GALNT14: variants seen among roughly 807,000 people sequenced by gnomAD.
The protein encoded by GALNT14 is UDP-GalNAc:polypeptide N-acetylgalactosaminyltransferase 14.
GALNT14 carries 60 observed loss-of-function variants against 77.5 expected under a neutral mutation model. The ratio of observed to expected loss-of-function variants is 0.77; its 90% confidence interval spans 0.63 to 0.96. The LOEUF (loss-of-function observed/expected upper bound fraction) is 0.96. Ranked by LOEUF, GALNT14 falls within the 40% of genes least tolerant of loss-of-function variation. The pLI, the probability that GALNT14 is intolerant of heterozygous loss-of-function variation, is 0.00. For synonymous variants in GALNT14, 280 were observed against 281.7 expected (o/e 0.99, Z 0.06); for missense variants, 710 against 731.0 (o/e 0.97, Z 0.33).
intron 2 of GALNT14, among the ~76,000 whole-genome samples, chr2:30,990,145 A>G (rs1669612638): frequency 3.3e-5 from 5 of 152,312 alleles, no homozygotes; most frequent in Admixed American, 2.6e-4. Context: ...TGCTACTGGC[A>G]TCTAGTAGGT....
intron 1 of GALNT14, among the ~76,000 whole-genome samples, chr2:31,055,227 G>T (rs1407317287): frequency 6.6e-6 from 1 of 152,236 alleles, no homozygotes; most frequent in East Asian, 1.9e-4. Flanking sequence ...GCAATCTTCA[G>T]AAGCACTAAT....
At chr2:30,922,388 G>C (rs17010474) in intron 13 of GALNT14, among the ~76,000 whole-genome samples, 35,243 of 152,004 alleles carry the variant, frequency 0.23, 4,238 homozygotes, top group East Asian at 0.4. Context: ...CTGTTTCCCA[G>C]AACAAAACAT....
chr2:31,041,699 C>T (rs1028470124), intron 1 of GALNT14, among the ~76,000 whole-genome samples: 13 of 152,122 alleles, frequency 8.5e-5, no homozygotes, highest in Non-Finnish European at 1.5e-4. Flanking sequence ...ATAAGAACCA[C>T]GCTCTTGGGG....
At chr2:31,107,646 C>T (rs1171435029) in intron 1 of GALNT14, among the ~76,000 whole-genome samples, 1 of 152,200 alleles carries the variant, frequency 6.6e-6, no homozygotes, top group African/African-American at 2.4e-5. Flanking sequence ...CACTACATCT[C>T]AAACGAGTCA....
At chr2:31,034,027 A>G (rs1319105794) in intron 1 of GALNT14, among the ~76,000 whole-genome samples, 1 of 152,216 alleles carries the variant, frequency 6.6e-6, no homozygotes, top group Non-Finnish European at 1.5e-5. Context: ...AAGCATTGCT[A>G]TTCTCATTTC....
intron 1 of GALNT14, among the ~76,000 whole-genome samples, chr2:31,065,596 G>T (rs1674895741): frequency 6.6e-6 from 1 of 152,198 alleles, no homozygotes; most frequent in Non-Finnish European, 1.5e-5. Flanking sequence ...CTTGGAATGG[G>T]CAGATGCTGC....
intron 3 of GALNT14, among the ~76,000 whole-genome samples, chr2:30,963,821 G>A (rs56944330): frequency 2.6e-5 from 4 of 152,108 alleles, no homozygotes; most frequent in African/African-American, 7.2e-5. Flanking sequence ...CTTTGATCAA[G>A]CATTTATTCC....
chr2:30,923,961 G>A lies in GALNT14; in HGVS notation c.1380+158C>T, dbSNP rs111540748. 2.4e-3 allele frequency among the ~76,000 whole-genome samples: 360 copies of A among 152,280 alleles called. 1 individual carries two copies. The highest frequency in any genetic ancestry group is 7.1e-3 in the South Asian group (34 of 4,814). Reference sequence around the variant, plus strand: ...GGAAAGCAAGCAGTGTAAGCACAGTGGCAGAGTGGGGGGATCACACCTCTC... The same window carrying A: ...GGAAAGCAAGCAGTGTAAGCACAGTAGCAGAGTGGGGGGATCACACCTCTC... On this transcript the variant is annotated intron_variant, in intron 13 of 14. Coordinates refer to ENST00000349752, the MANE Select transcript of GALNT14 (RefSeq NM_024572.4).
intron 13 of GALNT14, among the ~76,000 whole-genome samples, chr2:30,920,947 T>C (rs959373440): frequency 1.3e-5 from 2 of 152,120 alleles, no homozygotes; most frequent in Non-Finnish European, 2.9e-5. Context: ...CCAACCCAGT[T>C]GTTCTCTCCA....
intron 2 of GALNT14, among the ~76,000 whole-genome samples, chr2:30,966,550 T>C (rs1249697436): frequency 6.6e-6 from 1 of 152,136 alleles, no homozygotes; most frequent in African/African-American, 2.4e-5. Context: ...TGGAGACGAA[T>C]TGAGTTGATA....
chr2:31,091,909 T>C (rs1292893283), intron 1 of GALNT14, among the ~76,000 whole-genome samples: 1 of 152,134 alleles, frequency 6.6e-6, no homozygotes, highest in African/African-American at 2.4e-5. Context: ...ACCCTCAATG[T>C]GGGTGGGCAC....
intron 1 of GALNT14, among the ~76,000 whole-genome samples, chr2:31,061,392 C>G (rs1052496037): frequency 6.6e-6 from 1 of 152,186 alleles, no homozygotes; most frequent in African/African-American, 2.4e-5. Context: ...CTTCCTCTCT[C>G]TCATTTAAAA....
chr2:31,120,171 A>T lies in GALNT14; in HGVS notation c.129+17787T>A, dbSNP rs758571294. On this transcript the variant is annotated intron_variant, in intron 1 of 14. Coordinates refer to ENST00000349752, the MANE Select transcript of GALNT14 (RefSeq NM_024572.4). ...ACTCCGTCTCAAAAAAAAAAAAAAA[A>T]AAAAAAAATAATGAGCTAGCTGACC... 8.3e-3 allele frequency among the ~76,000 whole-genome samples: 624 copies of T among 75,044 alleles called. 147 individuals carry two copies. Among genetic ancestry groups the T allele is most frequent in the Non-Finnish European group, 0.02 (529 of 25,950 alleles). 49.2% of individuals were successfully genotyped at this position (75,044 alleles called of 152,430 possible).
rs1673182789 is a variant in GALNT14 at position 31,042,811 on chromosome 2, C to A, written c.130-49804G>T. 2.6e-5 allele frequency among the ~76,000 whole-genome samples: 4 copies of A among 152,152 alleles called. No individual in the cohort carries two copies. The South Asian group carries it at 8.3e-4, about 32-fold the overall frequency. ...GTCTCAGGCCTGGCTTATTTAATAG[C>A]CTCCTAATAAGTCTCCCTCCTTCCT... On this transcript the variant is annotated intron_variant, in intron 1 of 14. Transcript: ENST00000349752.
intron 5 of GALNT14, 24 bp downstream of exon 5, chr2:30,955,887 CT>C: frequency 6.2e-7 from 1 of 1,613,446 alleles, no homozygotes. Flanking sequence ...ACACTGGAGG[CT>C]CCCGCACAAC....
chr2:30,888,755 C>T, the GALNT14 span, among the ~76,000 whole-genome samples: 13 of 152,096 alleles, frequency 8.5e-5, no homozygotes, highest in Non-Finnish European at 8.8e-5. Flanking sequence ...GGGTGCAGGG[C>T]CCCAAACTAA....
chr2:31,119,413 C>T (rs535179897), intron 1 of GALNT14, among the ~76,000 whole-genome samples: 1 of 152,114 alleles, frequency 6.6e-6, no homozygotes, highest in South Asian at 2.1e-4. Context: ...TATGAATAGA[C>T]CCCTCATAGA....
At position 31,138,209 on chromosome 2, in the gene GALNT14, G is replaced by T. The variant is rs1679317700; in HGVS notation, c.-123C>A. Reference sequence around the variant, plus strand: ...CTGGGGAGCTCTAGACCCAGGATCCGGTTGGAGGGGCGGCAGGATCCTGCA... The same window carrying T: ...CTGGGGAGCTCTAGACCCAGGATCCTGTTGGAGGGGCGGCAGGATCCTGCA... On this transcript the variant is annotated 5_prime_UTR_variant, in exon 1 of 15. Transcript: ENST00000349752. 1.6e-6 allele frequency: 2 copies of T among 1,235,870 alleles called. No homozygotes were observed. 76.6% of individuals were successfully genotyped at this position (1,235,870 alleles called of 1,614,324 possible).
At chr2:31,028,502 C>T (rs1349862902) in intron 1 of GALNT14, among the ~76,000 whole-genome samples, 1 of 152,244 alleles carries the variant, frequency 6.6e-6, no homozygotes, top group Non-Finnish European at 1.5e-5. Context: ...GTCCGGTTAG[C>T]GGGGCTCCCT....
Sources: gnomAD v4.1 joint callset for allele counts (sites outside exome capture counted in the v4.1 genomes callset) on GRCh38, gnomAD v4.1.1 for gene constraint, MANE v1.5 for transcripts, NCBI Gene and HGNC (gene_info 2026-07-23, HGNC 2026-07-21) for gene names.